The following DMD variants were observed in gnomAD, a reference collection of about 807,000 sequenced individuals.
The protein encoded by DMD is mutant dystrophin.
In DMD, 63 loss-of-function variants were observed where a neutral mutation model predicts 330.1. The ratio of observed to expected loss-of-function variants is 0.19; its 90% CI spans 0.16 to 0.24. DMD has a LOEUF of 0.24. Among genes scored for constraint, DMD ranks in the 10% least tolerant of loss-of-function variants. DMD has a pLI of 1.00. For synonymous variants in DMD, 1,223 were observed against 959.8 expected (o/e 1.27, Z -5.07); for missense variants, 3,344 against 2,684.1 (o/e 1.25, Z -5.43).
intron 51 of DMD, among the ~76,000 whole-genome samples, chrX:31,762,237 C>T (rs193092470): frequency 7.1e-5 from 8 of 111,905 alleles, no homozygotes; most frequent in African/African-American, 2.6e-4. Flanking sequence ...AAAGTACAGA[C>T]ATAGTGCCTG....
intron 57 of DMD, among the ~76,000 whole-genome samples, chrX:31,483,134 C>A (rs1251998351): frequency 9.5e-6 from 1 of 105,002 alleles, no homozygotes; most frequent in Non-Finnish European, 2.0e-5. Flanking sequence ...GCAAGCTCCA[C>A]CTCCCAGGTT....
At chrX:32,883,623 G>A (rs2084180021) in intron 2 of DMD, among the ~76,000 whole-genome samples, 2 of 108,957 alleles carry the variant, frequency 1.8e-5, no homozygotes, top group Non-Finnish European at 3.8e-5. Flanking sequence ...AGGAGTTCGA[G>A]ACCACCCTGG....
intron 30 of DMD, among the ~76,000 whole-genome samples, chrX:32,394,455 C>A (rs192560841): frequency 7.4e-4 from 83 of 112,132 alleles, no homozygotes; most frequent in African/African-American, 2.5e-3. Context: ...ATGAAGTTTT[C>A]TTATCTGAGA....
At chrX:32,479,420 C>A (rs755011108) in intron 21 of DMD, among the ~76,000 whole-genome samples, 4 of 110,914 alleles carry the variant, frequency 3.6e-5, no homozygotes, top group African/African-American at 1.3e-4. Context: ...TGATCAACAC[C>A]TTCCCTTTCC....
At chrX:32,276,523 A>C in intron 43 of DMD, among the ~76,000 whole-genome samples, 1 of 111,838 alleles carries the variant, frequency 8.9e-6, no homozygotes, top group Middle Eastern at 4.7e-3. Flanking sequence ...TCTGTCTTGC[A>C]TCTTGGATAC....
At chrX:32,396,786 TGCCA>T (rs1232868980) in intron 30 of DMD, among the ~76,000 whole-genome samples, 1 of 111,769 alleles carries the variant, frequency 8.9e-6, no homozygotes, top group African/African-American at 3.2e-5. Context: ...GACACATATT[TGCCA>T]GCATCTTTAC....
At chrX:31,367,408 T>C (rs757523197) in intron 60 of DMD, among the ~76,000 whole-genome samples, 28 of 111,199 alleles carry the variant, frequency 2.5e-4, no homozygotes, top group Non-Finnish European at 4.9e-4. Flanking sequence ...TTAAACTACA[T>C]GCTCGAGGAA....
At chrX:31,298,786 T>C (rs1344586225) in intron 62 of DMD, among the ~76,000 whole-genome samples, 1 of 111,374 alleles carries the variant, frequency 9.0e-6, no homozygotes, top group African/African-American at 3.3e-5. Flanking sequence ...TGGAGAAAGA[T>C]CATGAAATTT....
At chrX:32,687,211 T>C (rs759172985) in intron 9 of DMD, among the ~76,000 whole-genome samples, 1 of 112,160 alleles carries the variant, frequency 8.9e-6, no homozygotes, top group Non-Finnish European at 1.9e-5. Context: ...CTAAAACAAG[T>C]ACAGTCATCA....
chrX:31,784,412 G>A (rs1480753030), intron 50 of DMD, among the ~76,000 whole-genome samples: 1 of 111,738 alleles, frequency 8.9e-6, no homozygotes, highest in Non-Finnish European at 1.9e-5. Context: ...GTGAAAAGGT[G>A]TAGCCACTAT....
At chrX:32,368,165 T>A (rs2097860890) in intron 34 of DMD, among the ~76,000 whole-genome samples, 1 of 111,942 alleles carries the variant, frequency 8.9e-6, no homozygotes, top group African/African-American at 3.2e-5. Flanking sequence ...GACCAATGTA[T>A]ATCAGGTGCC....
At chrX:31,998,830 G>A (rs1286566218) in intron 44 of DMD, among the ~76,000 whole-genome samples, 1 of 112,202 alleles carries the variant, frequency 8.9e-6, no homozygotes, top group African/African-American at 3.2e-5. Flanking sequence ...TGCATAATCT[G>A]TGAAATCTTT....
At chrX:31,178,230 T>A in intron 70 of DMD, 1 of 750,562 alleles carries the variant, frequency 1.3e-6, no homozygotes, top group Non-Finnish European at 1.6e-6. Context: ...CTACTTACTG[T>A]GAAGTAGTTT....
intron 1 of DMD, among the ~76,000 whole-genome samples, chrX:33,079,760 C>T (rs996755355): frequency 2.7e-5 from 3 of 111,448 alleles, no homozygotes; most frequent in African/African-American, 3.3e-5. Context: ...AATCCCAGGT[C>T]ACCATAAGTC....
intron 2 of DMD, among the ~76,000 whole-genome samples, chrX:32,939,272 G>GTA (rs201257001): frequency 0.11 from 11,216 of 106,572 alleles, 521 homozygotes; most frequent in Middle Eastern, 0.18. Flanking sequence ...GTATATACGT[G>GTA]TATATATATA....
At chrX:32,937,220 G>T (rs111537345) in intron 2 of DMD, among the ~76,000 whole-genome samples, 2 of 110,564 alleles carry the variant, frequency 1.8e-5, no homozygotes, top group East Asian at 5.7e-4. Flanking sequence ...ATGCAAGAGA[G>T]AACTGTCCAG....
intron 7 of DMD, among the ~76,000 whole-genome samples, chrX:32,723,573 T>G (rs185102175): frequency 9.0e-6 from 1 of 111,463 alleles, no homozygotes; most frequent in East Asian, 2.8e-4. Flanking sequence ...ATTGGATAAA[T>G]AAATCTCGAT....
chrX:31,507,279 A>G lies in DMD; in HGVS notation c.8390+2T>C, dbSNP rs863225013. ...GCCTTTTTGCTCCACATCTTTTCCTACCTAATGTTGAGAGACTTTTTCCGA... is the reference window on the plus strand; with the variant it reads ...GCCTTTTTGCTCCACATCTTTTCCTGCCTAATGTTGAGAGACTTTTTCCGA... On this transcript the variant is annotated splice_donor_variant, in intron 56 of 78. Transcript: ENST00000357033. LOFTEE classifies it high-confidence loss of function. The G allele has an allele frequency of 8.3e-7, 1 of 1,211,136 alleles. No individual in the cohort carries two copies.
In DMD at chrX:31,849,070, G is replaced by A. The variant is rs183008653; in HGVS notation, c.7099-12251C>T. ...TACAAAAAGGAAAAAATTCTTCCTT[G>A]TTTTCCTTTCTTGTACTCAATTTCT... On this transcript the variant is annotated intron_variant, in intron 48 of 78. Coordinates refer to ENST00000357033, the MANE Select transcript of DMD (RefSeq NM_004006.3). 2.7e-5 allele frequency among the ~76,000 whole-genome samples: 3 copies of A among 110,071 alleles called. No individual in the cohort carries two copies. In the East Asian group the frequency reaches 8.5e-4, roughly 31 times the overall value.
Sources: allele counts gnomAD v4.1 joint callset (sites outside exome capture counted in the v4.1 genomes callset), GRCh38; gene constraint gnomAD v4.1.1; transcripts MANE v1.5; gene names NCBI Gene and HGNC (gene_info 2026-07-23, HGNC 2026-07-21).